Variants in SDC3 observed in about 807,000 individuals in gnomAD.
SDC3 encodes the protein syndecan-3.
Under a neutral mutation model 24.4 loss-of-function variants are expected in SDC3, and 13 were observed. The ratio of observed to expected loss-of-function variants is 0.53; its 90% confidence interval spans 0.35 to 0.85. The LOEUF is 0.85. Among genes scored for constraint, SDC3 ranks in the 40% least tolerant of loss-of-function variants. The pLI, the probability that SDC3 is intolerant of heterozygous loss-of-function variation, is 0.01. For missense variants in SDC3, 571 were observed against 584.5 expected (o/e 0.98, Z 0.24); for synonymous variants, 295 against 260.9 (o/e 1.13, Z -1.26).
In SDC3 at chr1:30,869,728, G is replaced by C. The variant is rs1639499500; in HGVS notation, c.*3483C>G. The C allele has an allele frequency of 2.5e-6, 1 of 398,556 alleles. No individual in the cohort carries two copies. 24.7% of individuals were successfully genotyped at this position (398,556 alleles called of 1,614,324 possible). A position where few individuals can be genotyped will look rare whatever the true frequency, so the allele number is the denominator to read the frequency against. On this transcript the variant is annotated 3_prime_UTR_variant, in exon 5 of 5. Transcript: ENST00000339394. ...GTTAATAAACAGGTTACAGGGGAGA[G>C]AAGGGGCAGGGAAGGCCTGGGGGAG...
chr1:30,876,180 C>A (rs2124309334), intron 3 of SDC3, among the ~76,000 whole-genome samples: 1 of 152,270 alleles, frequency 6.6e-6, no homozygotes, highest in Non-Finnish European at 1.5e-5. Context: ...TAGAAATGAT[C>A]AGGGACTGGC....
chr1:30,878,405 ACAT>A, intron 2 of SDC3: 1 of 509,052 alleles, frequency 2.0e-6, no homozygotes, highest in African/African-American at 1.9e-5. Context: ...GGAGACCTGG[ACAT>A]TCTGGGCCCT....
At chr1:30,899,602 C>T (rs543006078) in intron 1 of SDC3, among the ~76,000 whole-genome samples, 18 of 152,304 alleles carry the variant, frequency 1.2e-4, no homozygotes, top group Admixed American at 3.9e-4. Flanking sequence ...GAACTCCTGA[C>T]CTCATGATCC....
At position 30,876,808 on chromosome 1, in the gene SDC3, G is replaced by A. The variant is rs763843349; in HGVS notation, c.614C>T (p.Thr205Ile). 3 of 1,606,944 alleles carry A rather than the reference G, an allele frequency of 1.9e-6. No homozygotes were observed. The highest frequency in any genetic ancestry group is 2.7e-5 in the African/African-American group (2 of 74,630). Residue 205 changes from threonine to isoleucine, a missense_variant, in exon 3 of 5, where the codon ACC becomes ATC. Physicochemically the swap from Thr to Ile is moderately conservative, Grantham distance 89. Around this residue, in one of 2 missense-constraint regions of SDC3, gnomAD observed 497 missense variants for 471.6 expected, o/e 1.05. Transcript: ENST00000339394. ...AGGCAGAAGCCTCCGTACGCCAGTG[G>A]TCCTTATAACAGCAGTGGTGGCCGT... ...PFTATTAVIR[T>I]TGVRRLLPLP...
Position 30,908,712 on chromosome 1 carries a change from G to C in SDC3, c.-126C>G. On this transcript the variant is annotated 5_prime_UTR_variant, in exon 1 of 5. Transcript: ENST00000339394. ...TGGACCGACGCGCTCTAGGCTCGCGGGCTCCCGGCTCGGCCGCCCGGCTCC... is the reference window on the plus strand; with the variant it reads ...TGGACCGACGCGCTCTAGGCTCGCGCGCTCCCGGCTCGGCCGCCCGGCTCC... 8.6e-6 allele frequency: 2 copies of C among 232,850 alleles called. No homozygotes were observed. The highest frequency in any genetic ancestry group is 1.4e-5 in the Non-Finnish European group (2 of 145,210). 14.4% of individuals were successfully genotyped at this position (232,850 alleles called of 1,614,324 possible).
chr1:30,885,180 C>T (rs375373220), intron 1 of SDC3, among the ~76,000 whole-genome samples: 1 of 152,170 alleles, frequency 6.6e-6, no homozygotes, highest in Non-Finnish European at 1.5e-5. Flanking sequence ...ATGCCCACCT[C>T]GTGGGGTTTA....
rs1398858994 is a variant in SDC3 at position 30,878,674 on chromosome 1, A to G, written c.205T>C (p.Ser69Pro). The change falls in exon 2 of 5, where the codon TCC (serine) becomes CCC (proline). Residue 69 changes from serine (S) to proline (P), a missense_variant. Coordinates refer to ENST00000339394, the MANE Select transcript of SDC3 (RefSeq NM_014654.4). ...TCATCCAGTTCATCATCGGGAAAGGAGTCATCATCCCCAGAGCCCTCCAGG... is the reference window on the plus strand; with the variant it reads ...TCATCCAGTTCATCATCGGGAAAGGGGTCATCATCCCCAGAGCCCTCCAGG... Reference protein sequence around the residue: ...VDLEGSGDDDSFPDDELDDLY... With the variant: ...VDLEGSGDDDPFPDDELDDLY... The G allele has an allele frequency of 6.2e-7, 1 of 1,614,176 alleles. No individual in the cohort carries two copies.
In SDC3 at chr1:30,874,473, G is replaced by A. The variant is rs2282440; in HGVS notation, c.986C>T (p.Thr329Ile). The change falls in exon 4 of 5, where the codon ACA (threonine) becomes ATA (isoleucine). Residue 329 changes from threonine (T) to isoleucine (I), a missense_variant. Thr to Ile is a moderately conservative substitution (Grantham distance 89). This residue lies in a region of SDC3 where 497 missense variants were observed against 471.6 expected (regional missense o/e 1.05). Transcript: ENST00000339394. ...TCCCACAGCTACCACCTCATTGGCT[G>A]TGTCTGGTTGTGTGGTCTCTTCTTC... Reference protein sequence around the residue: ...LPEEETTQPDTANEVVAVGGA... With the variant: ...LPEEETTQPDIANEVVAVGGA... 0.035 allele frequency: 56,885 copies of A among 1,614,092 alleles called. 9,101 individuals are homozygous for A. In the East Asian group the frequency reaches 0.56, roughly 16 times the overall value.
chr1:30,882,240 C>A (rs117609412), intron 1 of SDC3, among the ~76,000 whole-genome samples: 1 of 152,316 alleles, frequency 6.6e-6, no homozygotes, highest in Admixed American at 6.5e-5. Context: ...ACTTTCCTTC[C>A]GGGTACACAC....
At chr1:30,909,588 C>A (rs1354208847), upstream of SDC3, among the ~76,000 whole-genome samples, 1 of 152,172 alleles carries the variant, frequency 6.6e-6, no homozygotes, top group Admixed American at 6.5e-5. Context: ...ACCTTCATCC[C>A]CAGCGGCATA....
intron 1 of SDC3, among the ~76,000 whole-genome samples, chr1:30,888,471 C>A (rs1008621985): frequency 1.4e-4 from 22 of 152,184 alleles, no homozygotes; most frequent in African/African-American, 4.8e-4. Flanking sequence ...TCAGCCTGAG[C>A]AGGCCCAGAC....
At position 30,871,871 on chromosome 1, in the gene SDC3, C is replaced by G. The variant is rs1421346552; in HGVS notation, c.*1340G>C. The G allele has an allele frequency of 6.6e-6, 1 of 152,304 alleles. No individual in the cohort carries two copies. Among genetic ancestry groups the G allele is most frequent in the Non-Finnish European group, 1.5e-5 (1 of 68,092 alleles). The allele number at this position is 152,304 out of a possible 1,614,324, so 9.4% of individuals were successfully genotyped here. ...TCAGCCTTAGAGGAGCCCCCAGGCT[C>G]CCAGCTAGTGGGGGTCTGGCCCCAA... is the stretch of plus-strand genomic sequence containing the variant. On this transcript the variant is annotated 3_prime_UTR_variant, in exon 5 of 5. Coordinates refer to ENST00000339394, the MANE Select transcript of SDC3 (RefSeq NM_014654.4).
rs1382010267 is a variant in SDC3 at position 30,877,165 on chromosome 1, T to A, written c.257A>T (p.Tyr86Phe). The change falls in exon 3 of 5, where the codon TAC (tyrosine) becomes TTC (phenylalanine). Residue 86 changes from tyrosine (Y) to phenylalanine (F), a missense_variant and splice_region_variant. By Grantham distance (22) the Tyr-to-Phe change is conservative. Transcript: ENST00000339394. ...DDLYSGSGSG[Y>F]FEQESGIETA... is the part of the protein sequence containing the mutation. ...CTCAATGCCCGACTCCTGCTCGAAG[T>A]CTGAGGGGGTGGGGGAGAGGGAGAG... 21 of 1,613,410 alleles carry A rather than the reference T, an allele frequency of 1.3e-5. No individual in the cohort carries two copies. The highest frequency in any genetic ancestry group is 1.5e-5 in the Non-Finnish European group (18 of 1,179,918).
intron 1 of SDC3, among the ~76,000 whole-genome samples, chr1:30,893,522 C>CGCGTCCCCTCCTCATGGAG (rs1553139136): frequency 2.6e-5 from 4 of 151,994 alleles, no homozygotes; most frequent in Non-Finnish European, 5.9e-5. Context: ...GCCCAGCTCA[C>CGCGTCCCCTCCTCATGGAG]GCGTCCCCTC....
At chr1:30,899,525 C>A (rs1337784726) in intron 1 of SDC3, among the ~76,000 whole-genome samples, 2 of 152,206 alleles carry the variant, frequency 1.3e-5, no homozygotes, top group African/African-American at 2.4e-5. Context: ...AGGCACCTGC[C>A]ACCGCCTGGC....
chr1:30,891,373 G>A (rs959308896), intron 1 of SDC3, among the ~76,000 whole-genome samples: 6 of 152,324 alleles, frequency 3.9e-5, no homozygotes, highest in South Asian at 2.1e-4. Flanking sequence ...CAAGCCCCTC[G>A]GGTGGTTTCC....
chr1:30,900,047 G>GT (rs1638382346), intron 1 of SDC3, among the ~76,000 whole-genome samples: 1 of 152,200 alleles, frequency 6.6e-6, no homozygotes. Context: ...CATAGACACA[G>GT]TAACAGTCTG....
rs145285466 is a variant in SDC3, at chr1:30,876,830, C to T, written c.592G>A (p.Ala198Thr). ...GTGGTCCTTATAACAGCAGTGGTGG[C>T]CGTAAAAGGGGGTGCTGCAGGGGTG... The part of the protein sequence containing the change: ...PSTPAAPPFT[A>T]TTAVIRTTGV... The change falls in exon 3 of 5, where the codon GCC becomes ACC. Residue 198 changes from alanine (A) to threonine (T), a missense_variant. This residue lies in a region of SDC3 where 497 missense variants were observed against 471.6 expected (regional missense o/e 1.05). Coordinates refer to ENST00000339394, the MANE Select transcript of SDC3 (RefSeq NM_014654.4). 1,215 of 1,611,358 alleles carry T rather than the reference C, an allele frequency of 7.5e-4. 10 individuals are homozygous for T. The African/African-American group carries it at 0.014, about 19-fold the overall frequency.
upstream of SDC3, among the ~76,000 whole-genome samples, chr1:30,909,139 C>G (rs893792185): frequency 3.3e-5 from 5 of 152,174 alleles, no homozygotes; most frequent in Admixed American, 2.6e-4. Flanking sequence ...ACAGCCTCCC[C>G]CTGTGGCTCC....
Sources: gnomAD v4.1 joint callset for allele counts (sites outside exome capture counted in the v4.1 genomes callset) on GRCh38, gnomAD v4.1.1 for gene constraint, gnomAD v4.1.1 regional missense constraint, MANE v1.5 for transcripts, NCBI Gene and HGNC (gene_info 2026-07-23, HGNC 2026-07-21) for gene names.